The following MPPE1 variants were observed in gnomAD, a reference collection of about 807,000 sequenced individuals.
MPPE1 encodes the protein metallo phosphoesterase.
In MPPE1, 28 loss-of-function variants were observed where a neutral mutation model predicts 43.8. The observed-to-expected ratio is 0.64, with a 90% confidence interval of 0.47 to 0.88. The LOEUF (loss-of-function observed/expected upper bound fraction) is 0.88, where lower values mean the gene tolerates loss of function less well. MPPE1 is among the 40% of genes least tolerant of loss of function. MPPE1 has a pLI of 0.00. For synonymous variants in MPPE1, 159 were observed against 188.5 expected (o/e 0.84, Z 1.28); for missense variants, 428 against 492.2 (o/e 0.87, Z 1.23).
intron 3 of MPPE1, among the ~76,000 whole-genome samples, chr18:11,895,844 G>GAA (rs1312922329): frequency 6.6e-6 from 1 of 151,862 alleles, no homozygotes; most frequent in Non-Finnish European, 1.5e-5. Context: ...GATTACAGGC[G>GAA]TGAAGCACTG....
intron 3 of MPPE1, among the ~76,000 whole-genome samples, chr18:11,894,880 C>T (rs886142299): frequency 6.6e-5 from 10 of 152,166 alleles, no homozygotes; most frequent in Non-Finnish European, 1.3e-4. Flanking sequence ...CATGAGCCAC[C>T]ACACCCGGCC....
At chr18:11,887,135 G>A (rs528615824) in intron 6 of MPPE1, 110 bp from the exon 7 acceptor site, 2 of 718,934 alleles carry the variant, frequency 2.8e-6, no homozygotes, top group South Asian at 3.8e-5. Context: ...AACAAGCCCA[G>A]AGCAGCTTTC....
chr18:11,894,441 A>G (rs1162385188), intron 3 of MPPE1, among the ~76,000 whole-genome samples: 11 of 151,052 alleles, frequency 7.3e-5, no homozygotes, highest in Non-Finnish European at 1.2e-4. Flanking sequence ...CAAAAAAAAA[A>G]AAAAAAAAAA....
chr18:11,901,067 G>A (rs1201300611), intron 2 of MPPE1, among the ~76,000 whole-genome samples: 3 of 152,116 alleles, frequency 2.0e-5, no homozygotes, highest in East Asian at 3.9e-4. Context: ...ATGGAGCATT[G>A]GCAATGGGTA....
At position 11,889,625 on chromosome 18, in the gene MPPE1, C is replaced by T. The variant is rs545073345; in HGVS notation, c.391-135G>A. 100 of 563,322 alleles carry T rather than the reference C, an allele frequency of 1.8e-4. 1 individual carries two copies. The highest frequency in any genetic ancestry group is 1.1e-3 in the African/African-American group (59 of 51,900). The allele number at this position is 563,322 out of a possible 1,614,324, so 34.9% of individuals were successfully genotyped here. On this transcript the variant is annotated intron_variant, in intron 4 of 10. Coordinates refer to ENST00000588072, the MANE Select transcript of MPPE1 (RefSeq NM_023075.6). ...GTCTCCAGGCTGAAGTGCAGTGGTG[C>T]GATCTCTGCTCACTGCAACCTCCAT...
intron 5 of MPPE1, 92 bp downstream of exon 5, chr18:11,889,295 A>G: frequency 1.3e-6 from 1 of 791,414 alleles, no homozygotes; most frequent in Non-Finnish European, 2.0e-6. Context: ...ATTTCAAGAC[A>G]GCACAAATAG....
Position 11,882,841 on chromosome 18 carries a change from G to GACTT in MPPE1, c.*1600_*1603dup, listed in dbSNP as rs781399043. The GACTT allele has an allele frequency of 7.9e-5, 12 of 152,122 alleles. No individual in the cohort carries two copies. The highest frequency in any genetic ancestry group is 2.9e-4 in the African/African-American group (12 of 41,414). 9.4% of individuals were successfully genotyped at this position (152,122 alleles called of 1,614,324 possible). A position where few individuals can be genotyped will look rare whatever the true frequency, so the allele number is the denominator to read the frequency against. On this transcript the variant is annotated 3_prime_UTR_variant, in exon 11 of 11. Coordinates refer to ENST00000588072, the MANE Select transcript of MPPE1 (RefSeq NM_023075.6). ...ATACGGCTCTTTCTCACACTTGCAA[G>GACTT]ACTTACAAATACAGCCTCAAACATT...
chr18:11,886,478 C>A lies in MPPE1; in HGVS notation c.867+21G>T. The A allele has an allele frequency of 6.2e-7, 1 of 1,614,140 alleles. No individual in the cohort carries two copies. The highest frequency in any genetic ancestry group is 8.5e-7 in the Non-Finnish European group (1 of 1,180,034). On this transcript the variant is annotated intron_variant, in intron 9 of 10. Coordinates refer to ENST00000588072, the MANE Select transcript of MPPE1 (RefSeq NM_023075.6). This position sits in a 1 kb window ranked among gnomAD's most constrained non-coding sequence, Gnocchi z 4.1. ...AGAGTCACACTGTGACATGAATTAG[C>A]ATCACGACACCCTGGCAAACCTTTT...
chr18:11,887,146 A>C (rs933587753), intron 6 of MPPE1, 121 bp from the exon 7 acceptor site: 5 of 630,926 alleles, frequency 7.9e-6, no homozygotes, highest in Non-Finnish European at 1.4e-5. Flanking sequence ...AGCAGCTTTC[A>C]ATCCCACCCA....
At position 11,882,697 on chromosome 18, in the gene MPPE1, A is replaced by C. The variant is rs1017598334; in HGVS notation, c.*1748T>G. The C allele has an allele frequency of 1.5e-4, 23 of 152,004 alleles. No homozygotes were observed. The highest frequency in any genetic ancestry group is 4.8e-4 in the African/African-American group (20 of 41,438). 9.4% of individuals were successfully genotyped at this position (152,004 alleles called of 1,614,324 possible). On this transcript the variant is annotated 3_prime_UTR_variant, in exon 11 of 11. Transcript: ENST00000588072. ...TGAGACTCAGGCCAAAAAAAAAAAAAAAAAAAACCTTGACGTGTCAATGTT... is the reference window on the plus strand; with the variant it reads ...TGAGACTCAGGCCAAAAAAAAAAAACAAAAAAACCTTGACGTGTCAATGTT...
At chr18:11,903,815 A>AAAAAAC (rs954313364) in intron 2 of MPPE1, among the ~76,000 whole-genome samples, 7 of 142,056 alleles carry the variant, frequency 4.9e-5, no homozygotes, top group Non-Finnish European at 1.0e-4. Flanking sequence ...CAAAAAAACA[A>AAAAAAC]AAAAACAAAA....
chr18:11,900,520 A>C (rs1424556283), intron 2 of MPPE1, among the ~76,000 whole-genome samples: 1 of 152,044 alleles, frequency 6.6e-6, no homozygotes, highest in East Asian at 1.9e-4. Context: ...AAAATAAAAT[A>C]AAATAACCCC....
Position 11,886,425 on chromosome 18 carries a change from A to G in MPPE1, c.867+74T>C. The G allele has an allele frequency of 1.2e-6, 2 of 1,606,530 alleles. No homozygotes were observed. The highest frequency in any genetic ancestry group is 1.7e-6 in the Non-Finnish European group (2 of 1,174,652). ...AGCAAACACCTGCTCTAGCCTGGGC[A>G]CTCTGCTTGTTGACATGCAAGGTGA... On this transcript the variant is annotated intron_variant, in intron 9 of 10. Transcript: ENST00000588072. The surrounding 1 kb of genome is among the most constrained non-coding windows in gnomAD (Gnocchi z 4.1).
chr18:11,892,372 GAAAA>G (rs1412989449), intron 4 of MPPE1, among the ~76,000 whole-genome samples: 1 of 142,580 alleles, frequency 7.0e-6, no homozygotes, highest in African/African-American at 2.6e-5. Context: ...AAAAAAAAAA[GAAAA>G]AGAAAAAGAA....
intron 10 of MPPE1, 45 bp from the exon 11 acceptor site, chr18:11,884,672 G>A (rs563554254): frequency 1.1e-5 from 17 of 1,571,702 alleles, no homozygotes; most frequent in African/African-American, 9.4e-5. Context: ...CCAGGCACAC[G>A]TTGAACACCG....
At position 11,884,226 on chromosome 18, in the gene MPPE1, T is replaced by C; in HGVS notation, c.*219A>G. 1.9e-6 allele frequency: 1 copy of C among 534,158 alleles called. No homozygotes were observed. Among genetic ancestry groups the C allele is most frequent in the Non-Finnish European group, 3.4e-6 (1 of 298,412 alleles). The allele number at this position is 534,158 out of a possible 1,614,324, so 33.1% of individuals were successfully genotyped here. On this transcript the variant is annotated 3_prime_UTR_variant, in exon 11 of 11. Transcript: ENST00000588072. Reference sequence around the variant, plus strand: ...TGATGATACATATATTTGATAAAAATGAGAAAACAGATTTGTTGTAGAGTA... The same window carrying C: ...TGATGATACATATATTTGATAAAAACGAGAAAACAGATTTGTTGTAGAGTA...
Position 11,892,355 on chromosome 18 carries a change from GA to G in MPPE1, c.390+1112del, listed in dbSNP as rs548540889. The stretch of plus-strand genomic sequence containing the variant: ...ACTCCATCCCCCATAGCACCAAAAA[GA>G]AAAAAAAAAAAAAAAGAAAAAGAAA... On this transcript the variant is annotated intron_variant, in intron 4 of 10. Coordinates refer to ENST00000588072, the MANE Select transcript of MPPE1 (RefSeq NM_023075.6). Among the ~76,000 whole-genome samples the G allele has an allele frequency of 4.4e-3, 413 of 93,466 alleles. 1 individual carries two copies. The highest frequency in any genetic ancestry group is 0.014 in the South Asian group (41 of 2,884). The allele number at this position is 93,466 out of a possible 152,430, so 61.3% of individuals were successfully genotyped here.
At chr18:11,899,558 G>A (rs182672653) in intron 2 of MPPE1, among the ~76,000 whole-genome samples, 1 of 152,138 alleles carries the variant, frequency 6.6e-6, no homozygotes, top group African/African-American at 2.4e-5. Flanking sequence ...TTGGTAAAAG[G>A]CTGCCCTGAG....
chr18:11,894,386 A>C (rs113956139), intron 3 of MPPE1, among the ~76,000 whole-genome samples: 22,147 of 145,148 alleles, frequency 0.15, 2,316 homozygotes, highest in African/African-American at 0.3. Flanking sequence ...TGAGATCATG[A>C]CACTGCACTC....
Sources: gnomAD v4.1 joint callset for allele counts (sites outside exome capture counted in the v4.1 genomes callset) on GRCh38, gnomAD v4.1.1 for gene constraint, Gnocchi (gnomAD v3.1) non-coding constraint, MANE v1.5 for transcripts, NCBI Gene and HGNC (gene_info 2026-07-23, HGNC 2026-07-21) for gene names.